Variants in CLVS1 observed in about 807,000 individuals in gnomAD.
CLVS1 encodes clavesin 1.
CLVS1 carries 10 observed loss-of-function variants against 33.1 expected under a neutral mutation model. The observed-to-expected ratio is 0.30, with a 90% CI of 0.19 to 0.51. CLVS1 has a LOEUF of 0.51. CLVS1 is among the 20% of genes least tolerant of loss of function. CLVS1 has a pLI of 0.97. For synonymous variants in CLVS1, 163 were observed against 166.1 expected (o/e 0.98, Z 0.14); for missense variants, 343 against 433.4 (o/e 0.79, Z 1.85).
At chr8:61,088,603 A>G (rs2129283923) in intron 1 of CLVS1, among the ~76,000 whole-genome samples, 1 of 152,184 alleles carries the variant, frequency 6.6e-6, no homozygotes, top group East Asian at 1.9e-4. Flanking sequence ...TTAAAAGGGC[A>G]TGTATGCAAG....
intron 1 of CLVS1, among the ~76,000 whole-genome samples, chr8:61,297,113 G>A (rs1810241768): frequency 6.6e-6 from 1 of 152,168 alleles, no homozygotes; most frequent in Admixed American, 6.6e-5. Context: ...GCTGCCGATG[G>A]CTGCATGGCC....
chr8:61,325,044 G>A (rs16927183), intron 2 of CLVS1, among the ~76,000 whole-genome samples: 3,698 of 152,200 alleles, frequency 0.024, 159 homozygotes, highest in South Asian at 0.13. Context: ...GCCTACTTTA[G>A]GGACAGAAAA....
At position 61,410,107 on chromosome 8, in the gene CLVS1, G is replaced by T. The variant is rs537155450; in HGVS notation, c.630+33328G>T. Among the ~76,000 whole-genome samples, 237 of 126,526 alleles carry T rather than the reference G, an allele frequency of 1.9e-3. 1 individual carries two copies. The highest frequency in any genetic ancestry group is 3.1e-3 in the Non-Finnish European group (184 of 59,706). 83.0% of individuals were successfully genotyped at this position (126,526 alleles called of 152,430 possible). On this transcript the variant is annotated intron_variant, in intron 3 of 5. Transcript: ENST00000325897. ...TTTTCTTTGTTTTTGCTAGGTAAAA[G>T]GATATTTTGTTGTAGTATTTATCAG...
intron 1 of CLVS1, among the ~76,000 whole-genome samples, chr8:61,063,798 T>C (rs1646710128): frequency 6.6e-6 from 1 of 152,240 alleles, no homozygotes; most frequent in African/African-American, 2.4e-5. Context: ...CTATTTACAA[T>C]GCCGCACAAT....
chr8:61,265,444 G>A (rs1288799033), intron 2 of CLVS1, among the ~76,000 whole-genome samples: 1 of 152,096 alleles, frequency 6.6e-6, no homozygotes, highest in African/African-American at 2.4e-5. Flanking sequence ...TGTAAAGTGA[G>A]GATAATAATA....
intron 2 of CLVS1, among the ~76,000 whole-genome samples, chr8:61,168,763 T>C (rs757393031): frequency 7.2e-5 from 11 of 152,238 alleles, no homozygotes; most frequent in Non-Finnish European, 1.0e-4. Context: ...ATCATTGTGA[T>C]GGCTTGTATA....
intron 2 of CLVS1, among the ~76,000 whole-genome samples, chr8:61,357,792 G>A (rs934001737): frequency 2.6e-5 from 4 of 151,974 alleles, no homozygotes; most frequent in African/African-American, 9.7e-5. Context: ...GCTGACCTCA[G>A]GTGATCCACC....
the CLVS1 span, among the ~76,000 whole-genome samples, chr8:60,979,972 A>C: frequency 2.0e-5 from 3 of 152,376 alleles, no homozygotes; most frequent in South Asian, 2.1e-4. Context: ...ATTGAAAAAG[A>C]CATGATCTCT....
chr8:61,033,070 A>G, the CLVS1 span, among the ~76,000 whole-genome samples: 7,900 of 106,746 alleles, frequency 0.074, 1,208 homozygotes, highest in East Asian at 0.18. Context: ...ATAGAAAGAA[A>G]GAAGGAAGGA....
chr8:61,185,073 A>G (rs914486271), intron 2 of CLVS1, among the ~76,000 whole-genome samples: 3 of 151,818 alleles, frequency 2.0e-5, no homozygotes, highest in Non-Finnish European at 2.9e-5. Context: ...CTATGTATAG[A>G]TTTGTAATCT....
chr8:61,209,948 A>G (rs926597688), intron 2 of CLVS1, among the ~76,000 whole-genome samples: 6 of 152,244 alleles, frequency 3.9e-5, no homozygotes, highest in African/African-American at 1.4e-4. Flanking sequence ...AGGTATAGGA[A>G]TTTTGCAAAT....
At chr8:61,204,375 G>A (rs181796219) in intron 2 of CLVS1, among the ~76,000 whole-genome samples, 5 of 152,172 alleles carry the variant, frequency 3.3e-5, no homozygotes, top group Admixed American at 6.5e-5. Flanking sequence ...GAAAATTGAT[G>A]GGGTTTCAGG....
At chr8:61,495,567 G>A (rs566482741) in intron 5 of CLVS1, among the ~76,000 whole-genome samples, 1 of 152,264 alleles carries the variant, frequency 6.6e-6, no homozygotes, top group East Asian at 1.9e-4. Context: ...AGATCCAAAA[G>A]GATGGAGATA....
chr8:61,185,221 A>C (rs2349923), intron 2 of CLVS1, among the ~76,000 whole-genome samples: 114,554 of 150,658 alleles, frequency 0.76, 44,695 homozygotes, highest in Middle Eastern at 0.93. Context: ...ACGCTGTCTG[A>C]AGCGTTGACC....
At chr8:61,245,258 C>T (rs1346759865) in intron 2 of CLVS1, among the ~76,000 whole-genome samples, 3 of 152,068 alleles carry the variant, frequency 2.0e-5, no homozygotes, top group Admixed American at 2.0e-4. Context: ...TCTCAGCTCA[C>T]TGCAACCTCT....
In CLVS1 at chr8:61,419,417, T is replaced by A. The variant is rs866674215; in HGVS notation, c.631-34724T>A. Among the ~76,000 whole-genome samples the A allele has an allele frequency of 1.0e-3, 129 of 128,852 alleles. 1 individual carries two copies. In the Middle Eastern group the frequency reaches 0.031, roughly 31 times the overall value. 84.5% of individuals were successfully genotyped at this position (128,852 alleles called of 152,430 possible). ...GTCTCAAAAAAAAAAAAAAAAAAAA[T>A]ATTTAAAAGGTGTTGTGGTGAAAAT... On this transcript the variant is annotated intron_variant, in intron 3 of 5. Coordinates refer to ENST00000325897, the MANE Select transcript of CLVS1 (RefSeq NM_173519.3).
chr8:61,352,166 A>G (rs1377038477), intron 2 of CLVS1, among the ~76,000 whole-genome samples: 1 of 152,042 alleles, frequency 6.6e-6, no homozygotes, highest in East Asian at 1.9e-4. Flanking sequence ...TGAAGCTTCT[A>G]TACTTCATTG....
chr8:61,468,716 T>TAAAAAA (rs5891803), intron 5 of CLVS1, among the ~76,000 whole-genome samples: 115 of 92,410 alleles, frequency 1.2e-3, no homozygotes, highest in African/African-American at 1.8e-3. Flanking sequence ...GTAAAAGTAC[T>TAAAAAA]AAAAAAAAAA....
chr8:61,063,982 G>T (rs1804631157), intron 1 of CLVS1, among the ~76,000 whole-genome samples: 1 of 152,102 alleles, frequency 6.6e-6, no homozygotes, highest in Non-Finnish European at 1.5e-5. Context: ...TACAATATTT[G>T]TCCTTTTGTG....
Sources: gnomAD v4.1 joint callset for allele counts (sites outside exome capture counted in the v4.1 genomes callset) on GRCh38, gnomAD v4.1.1 for gene constraint, MANE v1.5 for transcripts, NCBI Gene and HGNC (gene_info 2026-07-23, HGNC 2026-07-21) for gene names.